CNTNAP2: variants seen among roughly 807,000 people sequenced by gnomAD.
CNTNAP2 encodes the protein contactin associated protein 2.
CNTNAP2 carries 98 observed loss-of-function variants against 155.2 expected under a neutral mutation model. That is an observed-to-expected ratio of 0.63 (90% CI 0.54 to 0.75). The LOEUF is 0.75. Ranked by LOEUF, CNTNAP2 falls within the 30% of genes least tolerant of loss-of-function variation. CNTNAP2 has a pLI of 0.00. For synonymous variants in CNTNAP2, 651 were observed against 631.2 expected (o/e 1.03, Z -0.47); for missense variants, 1,727 against 1,688.1 (o/e 1.02, Z -0.40).
intron 11 of CNTNAP2, among the ~76,000 whole-genome samples, chr7:147,508,773 C>T (rs1798961445): frequency 6.6e-6 from 1 of 152,140 alleles, no homozygotes; most frequent in Non-Finnish European, 1.5e-5. Flanking sequence ...TTCCCCTGCA[C>T]ACTCTCTCTT....
At chr7:146,894,373 CT>C (rs766558359) in intron 3 of CNTNAP2, among the ~76,000 whole-genome samples, 2 of 152,126 alleles carry the variant, frequency 1.3e-5, no homozygotes, top group Non-Finnish European at 2.9e-5. Context: ...CCAAATTAAT[CT>C]TTTGCTCCTC....
At chr7:148,098,336 C>T (rs1172374285) in intron 15 of CNTNAP2, among the ~76,000 whole-genome samples, 3 of 143,780 alleles carry the variant, frequency 2.1e-5, no homozygotes, top group Non-Finnish European at 4.5e-5. Context: ...CCCAGCTACT[C>T]GGGAGGCTGA....
At chr7:147,399,586 G>C (rs1338747998) in intron 10 of CNTNAP2, among the ~76,000 whole-genome samples, 6 of 152,168 alleles carry the variant, frequency 3.9e-5, no homozygotes, top group Admixed American at 3.9e-4. Flanking sequence ...GGGAAGACTA[G>C]TTGTAGAGAA....
chr7:146,901,232 C>T (rs935032802), intron 3 of CNTNAP2, among the ~76,000 whole-genome samples: 19 of 152,066 alleles, frequency 1.2e-4, no homozygotes, highest in Admixed American at 4.6e-4. Context: ...GTGCTTAATT[C>T]ACCCGAGCCT....
At chr7:147,954,200 T>G (rs1409894034) in intron 14 of CNTNAP2, among the ~76,000 whole-genome samples, 2 of 152,142 alleles carry the variant, frequency 1.3e-5, no homozygotes, top group Non-Finnish European at 2.9e-5. Flanking sequence ...CATTCTGCTT[T>G]GCATCATGCA....
chr7:147,240,543 A>C (rs1803912343), intron 8 of CNTNAP2, among the ~76,000 whole-genome samples: 1 of 152,238 alleles, frequency 6.6e-6, no homozygotes. Context: ...TTAATTACTT[A>C]CTGTGATTTC....
At chr7:146,921,730 G>A (rs1019560707) in intron 3 of CNTNAP2, among the ~76,000 whole-genome samples, 1 of 152,118 alleles carries the variant, frequency 6.6e-6, no homozygotes, top group Non-Finnish European at 1.5e-5. Flanking sequence ...TTCAAGATGA[G>A]ATTTGGGGTG....
In CNTNAP2 at chr7:147,285,923, C is replaced by G. The variant is rs190377208; in HGVS notation, c.1349-14218C>G. Reference sequence around the variant, plus strand: ...CTAATCTCAGCTACACTCTGTCTTCCCCATTTATTTTTATTTATTCTTCCA... The same window carrying G: ...CTAATCTCAGCTACACTCTGTCTTCGCCATTTATTTTTATTTATTCTTCCA... On this transcript the variant is annotated intron_variant, in intron 8 of 23. Transcript: ENST00000361727. 3.3e-5 allele frequency among the ~76,000 whole-genome samples: 5 copies of G among 152,114 alleles called. No individual in the cohort carries two copies. In the East Asian group the frequency reaches 7.7e-4, roughly 24 times the overall value.
At chr7:147,011,441 AAAAG>A (rs1325791283) in intron 3 of CNTNAP2, among the ~76,000 whole-genome samples, 1 of 150,902 alleles carries the variant, frequency 6.6e-6, no homozygotes, top group African/African-American at 2.4e-5. Flanking sequence ...AAAAAAAAAA[AAAAG>A]GAACAAGGTT....
chr7:147,230,684 T>G (rs1803660429), intron 8 of CNTNAP2, among the ~76,000 whole-genome samples: 1 of 152,192 alleles, frequency 6.6e-6, no homozygotes, highest in Admixed American at 6.5e-5. Context: ...ACATTAGACC[T>G]CTAGAACTTG....
chr7:148,194,309 C>A (rs1413302126), intron 18 of CNTNAP2, among the ~76,000 whole-genome samples: 2 of 151,878 alleles, frequency 1.3e-5, no homozygotes, highest in Admixed American at 6.6e-5. Flanking sequence ...TTTCAAGTAC[C>A]TTTAAAGACT....
chr7:148,362,749 A>G (rs1798649991), intron 21 of CNTNAP2, among the ~76,000 whole-genome samples: 1 of 152,168 alleles, frequency 6.6e-6, no homozygotes, highest in African/African-American at 2.4e-5. Flanking sequence ...CAAACAGTCT[A>G]TGCTTTGGCA....
chr7:147,690,848 GA>G (rs568767957), intron 13 of CNTNAP2, among the ~76,000 whole-genome samples: 1 of 152,014 alleles, frequency 6.6e-6, no homozygotes, highest in African/African-American at 2.4e-5. Context: ...CTGTACAGAT[GA>G]AAAAATTATA....
intron 1 of CNTNAP2, among the ~76,000 whole-genome samples, chr7:146,709,185 G>C (rs1801019439): frequency 6.6e-6 from 1 of 151,928 alleles, no homozygotes; most frequent in Admixed American, 6.6e-5. Context: ...AGGAATCTTA[G>C]TCAAATTCCA....
chr7:146,908,255 C>G (rs1216392961), intron 3 of CNTNAP2, among the ~76,000 whole-genome samples: 3 of 151,608 alleles, frequency 2.0e-5, no homozygotes, highest in African/African-American at 7.3e-5. Context: ...GACAGAAAGT[C>G]AACAAGGATA....
chr7:147,272,612 C>T (rs1804778464), intron 8 of CNTNAP2, among the ~76,000 whole-genome samples: 3 of 151,998 alleles, frequency 2.0e-5, no homozygotes, highest in African/African-American at 7.2e-5. Flanking sequence ...CATTCTCCTG[C>T]CTCAGCCTCT....
At chr7:147,072,017 C>G (rs1395105426) in intron 4 of CNTNAP2, among the ~76,000 whole-genome samples, 1 of 152,072 alleles carries the variant, frequency 6.6e-6, no homozygotes, top group Non-Finnish European at 1.5e-5. Flanking sequence ...CATATTGCAC[C>G]TGTACTCATC....
intron 18 of CNTNAP2, among the ~76,000 whole-genome samples, chr7:148,181,446 A>G (rs575599908): frequency 6.0e-4 from 92 of 152,306 alleles, no homozygotes; most frequent in African/African-American, 2.1e-3. Context: ...GGAAAAAGAA[A>G]ATAATTTTGA....
intron 12 of CNTNAP2, among the ~76,000 whole-genome samples, chr7:147,604,324 T>C (rs1013445299): frequency 3.9e-5 from 6 of 152,016 alleles, no homozygotes; most frequent in African/African-American, 1.4e-4. Flanking sequence ...AACCTACTCA[T>C]CTGACAAAGG....
Sources: allele counts gnomAD v4.1 joint callset (sites outside exome capture counted in the v4.1 genomes callset), GRCh38; gene constraint gnomAD v4.1.1; transcripts MANE v1.5; gene names NCBI Gene and HGNC (gene_info 2026-07-23, HGNC 2026-07-21).